The following CD40 variants were observed in gnomAD, a reference collection of about 807,000 sequenced individuals.
CD40 encodes the protein tumor necrosis factor receptor superfamily member 5.
A neutral mutation model predicts 38.5 loss-of-function variants in CD40; 19 were observed. The ratio of observed to expected loss-of-function variants is 0.49; its 90% CI spans 0.34 to 0.72. CD40 has a LOEUF of 0.72. Ranked by LOEUF, CD40 falls within the 30% of genes least tolerant of loss-of-function variation. The pLI, the probability that CD40 is intolerant of heterozygous loss-of-function variation, is 0.01. For missense variants in CD40, 256 were observed against 344.1 expected, an observed-to-expected ratio of 0.74 and a Z score of 2.03; for synonymous variants, 130 against 128.7, an observed-to-expected ratio of 1.01 and a Z score of -0.07.
At position 46,123,178 on chromosome 20, in the gene CD40, C is replaced by T; in HGVS notation, c.456C>T (p.Ser152=). 6.2e-7 allele frequency: 1 copy of T among 1,614,228 alleles called. No homozygotes were observed. The highest frequency in any genetic ancestry group is 2.2e-5 in the East Asian group (1 of 44,874). The change falls in exon 5 of 9, where the codon TCC becomes TCT. Residue 152 remains serine (S), a synonymous_variant. Transcript: ENST00000372285. ...ICEPCPVGFF[S]NVSSAFEKCH... ...AGCCCTGCCCAGTCGGCTTCTTCTC[C>T]AATGTGTCATCTGCTTTCGAAAAAT...
At chr20:46,123,332 A>G (rs1417232147) in intron 5 of CD40, 113 bp downstream of exon 5, 3 of 880,086 alleles carry the variant, frequency 3.4e-6, no homozygotes, top group Non-Finnish European at 5.9e-6. Context: ...ACACTCATGT[A>G]CTTGTGAAGC....
At chr20:46,119,467 G>A (rs2085275787) in intron 1 of CD40, among the ~76,000 whole-genome samples, 1 of 152,164 alleles carries the variant, frequency 6.6e-6, no homozygotes, top group African/African-American at 2.4e-5. Context: ...GGGCGGAGCT[G>A]GAAAGAGGTA....
intron 5 of CD40, among the ~76,000 whole-genome samples, chr20:46,125,126 G>A (rs1020545511): frequency 1.3e-5 from 2 of 151,914 alleles, no homozygotes; most frequent in Non-Finnish European, 2.9e-5. Context: ...TTACAGCTCA[G>A]TAAGTGTGTG....
intron 5 of CD40, among the ~76,000 whole-genome samples, chr20:46,124,486 TAAAC>T (rs2085381963): frequency 6.6e-6 from 1 of 151,994 alleles, no homozygotes; most frequent in African/African-American, 2.4e-5. Context: ...ATTCTACATA[TAAAC>T]AAACCAACAC....
chr20:46,121,754 C>CT, intron 1 of CD40, 66 bp from the exon 2 acceptor site: 1 of 1,256,986 alleles, frequency 8.0e-7, no homozygotes, highest in Non-Finnish European at 1.2e-6. Flanking sequence ...TGACTTTTAC[C>CT]TTTCTGCTGA....
intron 1 of CD40, 44 bp from the exon 2 acceptor site, chr20:46,121,776 C>T (rs750963838): frequency 2.4e-5 from 35 of 1,456,254 alleles, no homozygotes; most frequent in East Asian, 6.8e-5. Flanking sequence ...GAAGTTGCAA[C>T]GGAGATTTCA....
chr20:46,127,857 G>C (rs2085467751), intron 6 of CD40: 1 of 519,498 alleles, frequency 1.9e-6, no homozygotes, highest in Non-Finnish European at 3.3e-6. Context: ...CTGCCAACTG[G>C]AACCCAGTCT....
chr20:46,122,298 G>C lies in CD40; in HGVS notation c.196G>C (p.Glu66Gln), dbSNP rs1208355184. ...ETECLPCGES[E>Q]FLDTWNRETH... ...GGAATGCCTTCCTTGCGGTGAAAGC[G>C]AATTCCTAGACACCTGGAACAGAGA... Residue 66 changes from glutamate (E) to glutamine (Q), a missense_variant, in exon 3 of 9, where the codon GAA becomes CAA. By Grantham distance (29) the Glu-to-Gln change is conservative. Coordinates refer to ENST00000372285, the MANE Select transcript of CD40 (RefSeq NM_001250.6). The surrounding 1 kb of genome is among the most constrained non-coding windows in gnomAD (Gnocchi z 5.0). 1.2e-6 allele frequency: 2 copies of C among 1,614,130 alleles called. No individual in the cohort carries two copies. Among genetic ancestry groups the C allele is most frequent in the Admixed American group, 3.3e-5 (2 of 60,004 alleles).
Position 46,122,416 on chromosome 20 carries a change from C to T in CD40, c.256+58C>T. The T allele has an allele frequency of 6.2e-7, 1 of 1,611,382 alleles. No individual in the cohort carries two copies. On this transcript the variant is annotated intron_variant, in intron 3 of 8. Transcript: ENST00000372285. This position sits in a 1 kb window ranked among gnomAD's most constrained non-coding sequence, Gnocchi z 5.0. ...AACCGGGCTGATATTCCCGACAATG[C>T]AGCCATTCTAATTTTATGTAGCCAG...
At chr20:46,119,876 G>T (rs1047889033) in intron 1 of CD40, among the ~76,000 whole-genome samples, 5 of 152,184 alleles carry the variant, frequency 3.3e-5, no homozygotes, top group Non-Finnish European at 5.9e-5. Context: ...TTTTGTGGCA[G>T]AAGGACCAGA....
chr20:46,118,804 A>G (rs1213230934), intron 1 of CD40, among the ~76,000 whole-genome samples: 1 of 152,026 alleles, frequency 6.6e-6, no homozygotes, highest in Non-Finnish European at 1.5e-5. Context: ...GTAAGTAGTT[A>G]TCATCTCCTT....
chr20:46,120,368 TAGTA>T (rs1387301349), intron 1 of CD40, among the ~76,000 whole-genome samples: 5 of 152,244 alleles, frequency 3.3e-5, no homozygotes, highest in Admixed American at 6.5e-5. Flanking sequence ...GCAAAATAAC[TAGTA>T]AGTGTTACAA....
In CD40 at chr20:46,129,035, C is replaced by G; in HGVS notation, c.829C>G (p.Gln277Glu). The part of the protein sequence containing the change: ...KESRISVQER[Q>E] ...GAGTCGCATCTCAGTGCAGGAGAGA[C>G]AGTGAGGCTGCACCCACCCAGGAGT... The change falls in exon 9 of 9, where the codon CAG (glutamine) becomes GAG (glutamate). Residue 277 changes from glutamine (Q) to glutamate (E), a missense_variant. By Grantham distance (29) the Gln-to-Glu change is conservative (BLOSUM62 2). Coordinates refer to ENST00000372285, the MANE Select transcript of CD40 (RefSeq NM_001250.6). 2 of 1,614,116 alleles carry G rather than the reference C, an allele frequency of 1.2e-6. No homozygotes were observed. The highest frequency in any genetic ancestry group is 8.5e-7 in the Non-Finnish European group (1 of 1,180,030).
At chr20:46,128,455 C>A in intron 8 of CD40, 97 bp downstream of exon 8, 1 of 1,348,904 alleles carries the variant, frequency 7.4e-7, no homozygotes, top group Non-Finnish European at 1.1e-6. Flanking sequence ...CAGAGTCTGT[C>A]TCTGCAGCCA....
At chr20:46,126,173 C>A (rs890562190) in intron 5 of CD40, among the ~76,000 whole-genome samples, 30 of 152,206 alleles carry the variant, frequency 2.0e-4, no homozygotes, top group African/African-American at 7.2e-4. Flanking sequence ...GCCAGGGATG[C>A]TGCTGAACAT....
chr20:46,129,269 A>C lies in CD40; in HGVS notation c.*229A>C. 1.1e-5 allele frequency: 6 copies of C among 567,716 alleles called. No individual in the cohort carries two copies. Among genetic ancestry groups the C allele is most frequent in the South Asian group, 9.5e-5 (5 of 52,726 alleles). The allele number at this position is 567,716 out of a possible 1,614,324, so 35.2% of individuals were successfully genotyped here. A position where few individuals can be genotyped will look rare whatever the true frequency, so the allele number is the denominator to read the frequency against. On this transcript the variant is annotated 3_prime_UTR_variant, in exon 9 of 9. Coordinates refer to ENST00000372285, the MANE Select transcript of CD40 (RefSeq NM_001250.6). The stretch of plus-strand genomic sequence containing the variant: ...ACCCTGGAGCCCATCCAGTCTCCCA[A>C]CTTGTATTAAAGACAGAGGCAGAAG...
At position 46,126,126 on chromosome 20, in the gene CD40, C is replaced by T. The variant is rs147656614; in HGVS notation, c.498-514C>T. 7.9e-3 allele frequency among the ~76,000 whole-genome samples: 1,209 copies of T among 152,306 alleles called. 7 individuals are homozygous for T. Among genetic ancestry groups the T allele is most frequent in the Non-Finnish European group, 0.011 (779 of 68,014 alleles). On this transcript the variant is annotated intron_variant, in intron 5 of 8. Transcript: ENST00000372285. ...CTGGACACATTTCATTCGTCACAAA[C>T]GGAGAGGGGGATGCTACAGGGATCT...
intron 1 of CD40, among the ~76,000 whole-genome samples, chr20:46,121,458 A>G (rs1479381535): frequency 3.9e-5 from 6 of 152,184 alleles, no homozygotes; most frequent in African/African-American, 1.2e-4. Flanking sequence ...GGACCAGCTG[A>G]AGTCAGCCAG....
At chr20:46,127,945 C>T in intron 6 of CD40, 193 bp from the exon 7 acceptor site, 1 of 1,076,620 alleles carries the variant, frequency 9.3e-7, no homozygotes, top group Non-Finnish European at 1.3e-6. Flanking sequence ...CAAATATTTC[C>T]AAACGTTAAG....
Sources: gnomAD v4.1 joint callset for allele counts (sites outside exome capture counted in the v4.1 genomes callset) on GRCh38, gnomAD v4.1.1 for gene constraint, Gnocchi (gnomAD v3.1) non-coding constraint, MANE v1.5 for transcripts, NCBI Gene and HGNC (gene_info 2026-07-23, HGNC 2026-07-21) for gene names.